PCDH15: variants seen among roughly 807,000 people sequenced by gnomAD.
The protein encoded by PCDH15 is protocadherin related 15.
A neutral mutation model predicts 178.5 loss-of-function variants in PCDH15; 129 were observed. The ratio of observed to expected loss-of-function variants is 0.72; its 90% CI spans 0.63 to 0.84. PCDH15 has a LOEUF of 0.84. Among genes scored for constraint, PCDH15 ranks in the 40% least tolerant of loss-of-function variants. PCDH15 has a pLI of 0.00. For synonymous variants in PCDH15, 800 were observed against 732.0 expected (o/e 1.09, Z -1.50); for missense variants, 2,230 against 2,099.9 (o/e 1.06, Z -1.21).
chr10:55,618,970 G>A (rs1201490500), intron 2 of PCDH15, among the ~76,000 whole-genome samples: 1 of 152,032 alleles, frequency 6.6e-6, no homozygotes, highest in Non-Finnish European at 1.5e-5. Flanking sequence ...GAACACAAGG[G>A]AGTTTGGAAC....
At chr10:53,957,419 C>A (rs1235056091) in intron 23 of PCDH15, among the ~76,000 whole-genome samples, 1 of 151,848 alleles carries the variant, frequency 6.6e-6, no homozygotes, top group Non-Finnish European at 1.5e-5. Context: ...GCATAGGAGT[C>A]CCCCTTTATT....
intron 25 of PCDH15, among the ~76,000 whole-genome samples, chr10:53,914,685 G>A (rs551573402): frequency 3.6e-4 from 55 of 152,130 alleles, no homozygotes; most frequent in African/African-American, 1.1e-3. Flanking sequence ...AATGGGTGCA[G>A]CAAACCAACA....
At chr10:55,256,599 TCCCA>T (rs1842004863) in intron 1 of PCDH15, among the ~76,000 whole-genome samples, 2 of 152,014 alleles carry the variant, frequency 1.3e-5, no homozygotes, top group Middle Eastern at 3.2e-3. Flanking sequence ...GCTCGGAGGG[TCCCA>T]TGCCCATGAA....
intron 2 of PCDH15, chr10:54,528,421 A>G (rs1294259433): frequency 1.3e-6 from 2 of 1,567,676 alleles, no homozygotes; most frequent in Admixed American, 3.7e-5. Context: ...AAAAGTATAG[A>G]GTCATCAATG....
chr10:55,491,557 T>C (rs1840418833), intron 2 of PCDH15, among the ~76,000 whole-genome samples: 1 of 151,494 alleles, frequency 6.6e-6, no homozygotes, highest in Non-Finnish European at 1.5e-5. Context: ...TTTTGTGCAA[T>C]GGCACAGGAG....
chr10:54,945,326 A>G (rs1157186150), intron 2 of PCDH15, among the ~76,000 whole-genome samples: 4 of 65,384 alleles, frequency 6.1e-5, no homozygotes, highest in Non-Finnish European at 1.2e-4. Flanking sequence ...GGATGTATGG[A>G]TAGATAGATA....
chr10:54,301,339 A>C (rs549295019), intron 8 of PCDH15, among the ~76,000 whole-genome samples: 13 of 152,344 alleles, frequency 8.5e-5, no homozygotes, highest in African/African-American at 3.1e-4. Flanking sequence ...GATTGTATCC[A>C]AAATATAAGT....
chr10:53,813,656 G>C (rs190005509), intron 35 of PCDH15, among the ~76,000 whole-genome samples: 1 of 152,066 alleles, frequency 6.6e-6, no homozygotes, highest in Non-Finnish European at 1.5e-5. Context: ...CACATTATTC[G>C]TAACAGTCCC....
chr10:54,442,461 C>CATATAA (rs2075884774), intron 3 of PCDH15, among the ~76,000 whole-genome samples: 3 of 62,254 alleles, frequency 4.8e-5, no homozygotes, highest in South Asian at 6.6e-4. Context: ...TATATATATA[C>CATATAA]AGTCTTTTTT....
chr10:55,565,719 G>T (rs1316371038), intron 2 of PCDH15, among the ~76,000 whole-genome samples: 2 of 151,546 alleles, frequency 1.3e-5, no homozygotes, highest in African/African-American at 4.8e-5. Flanking sequence ...AAACTTGTAT[G>T]CCTAGAAATC....
Position 55,101,222 on chromosome 10 carries a change from T to C in PCDH15, c.-80+65354A>G, listed in dbSNP as rs577488130. Among the ~76,000 whole-genome samples, 275 of 151,712 alleles carry C rather than the reference T, an allele frequency of 1.8e-3. 2 individuals are homozygous for C. Among genetic ancestry groups the C allele is most frequent in the African/African-American group, 5.9e-3 (246 of 41,388 alleles). On this transcript the variant is annotated intron_variant, in intron 2 of 5. Transcript: ENST00000458638. Reference sequence around the variant, plus strand: ...CTCAAAACCCTGTCTCTACTAAAAATAGAAAAAATAGCTGTGCAGGGTGGC... The same window carrying C: ...CTCAAAACCCTGTCTCTACTAAAAACAGAAAAAATAGCTGTGCAGGGTGGC...
chr10:55,490,271 C>T (rs982948161), intron 2 of PCDH15, among the ~76,000 whole-genome samples: 3 of 151,632 alleles, frequency 2.0e-5, no homozygotes, highest in African/African-American at 7.3e-5. Context: ...ACTAAGGTTC[C>T]TAGAATTTGC....
At chr10:54,166,944 G>A (rs2046294415) in intron 13 of PCDH15, among the ~76,000 whole-genome samples, 1 of 151,318 alleles carries the variant, frequency 6.6e-6, no homozygotes, top group Middle Eastern at 3.2e-3. Context: ...CTGCCCGCCA[G>A]AGAACAAACC....
At chr10:55,380,189 T>C (rs942990179) in intron 2 of PCDH15, among the ~76,000 whole-genome samples, 1 of 152,076 alleles carries the variant, frequency 6.6e-6, no homozygotes, top group African/African-American at 2.4e-5. Context: ...GAAAGAATTA[T>C]AAAGAGAGTA....
intron 2 of PCDH15, among the ~76,000 whole-genome samples, chr10:55,058,550 T>A (rs1841360541): frequency 6.6e-6 from 1 of 152,132 alleles, no homozygotes; most frequent in Admixed American, 6.6e-5. Flanking sequence ...CTTATCACTC[T>A]CCCTTCTTTG....
At chr10:54,840,395 A>T (rs1171360118) in intron 3 of PCDH15, among the ~76,000 whole-genome samples, 1 of 151,938 alleles carries the variant, frequency 6.6e-6, no homozygotes, top group Non-Finnish European at 1.5e-5. Context: ...TATAACTATA[A>T]AATATTTTAT....
chr10:54,814,109 C>T (rs949424577), intron 3 of PCDH15, among the ~76,000 whole-genome samples: 11 of 152,158 alleles, frequency 7.2e-5, no homozygotes, highest in Non-Finnish European at 1.3e-4. Context: ...TCATAAGCTC[C>T]TGACAAATTA....
intron 8 of PCDH15, among the ~76,000 whole-genome samples, chr10:54,239,051 T>C (rs1332271819): frequency 6.6e-6 from 1 of 152,150 alleles, no homozygotes; most frequent in Non-Finnish European, 1.5e-5. Context: ...CAATTTTTGC[T>C]ATTATAAAAT....
intron 2 of PCDH15, among the ~76,000 whole-genome samples, chr10:55,561,648 T>G (rs1036733456): frequency 6.6e-6 from 1 of 151,814 alleles, no homozygotes; most frequent in African/African-American, 2.4e-5. Flanking sequence ...ATGTTTGCCT[T>G]AAGACAAACA....
Sources: allele counts gnomAD v4.1 joint callset (sites outside exome capture counted in the v4.1 genomes callset), GRCh38; gene constraint gnomAD v4.1.1; transcripts MANE v1.5; gene names NCBI Gene and HGNC (gene_info 2026-07-23, HGNC 2026-07-21).